AAR2: variants seen among roughly 807,000 people sequenced by gnomAD.
AAR2 encodes AAR2 splicing factor, also known as protein AAR2 homolog.
In AAR2, 31 loss-of-function variants were observed where a neutral mutation model predicts 26.9. That is an observed-to-expected ratio of 1.15 (90% CI 0.86 to 1.55). The LOEUF (loss-of-function observed/expected upper bound fraction) is 1.55, where lower values mean the gene tolerates loss of function less well. Ranked by LOEUF, AAR2 falls within the 40% of genes most tolerant of loss-of-function variation. The pLI is 0.00. For synonymous variants in AAR2, 188 were observed against 196.1 expected (o/e 0.96, Z 0.34); for missense variants, 430 against 491.3 (o/e 0.88, Z 1.18).
chr20:36,245,492 C>T (rs1451582034), intron 3 of AAR2, among the ~76,000 whole-genome samples: 6 of 152,220 alleles, frequency 3.9e-5, no homozygotes, highest in African/African-American at 1.4e-4. Context: ...GCTATTTCCT[C>T]CCTTTGCAAA....
At position 36,255,986 on chromosome 20, in the gene AAR2, CT is replaced by C; in HGVS notation, c.*242del. On this transcript the variant is annotated 3_prime_UTR_variant, in exon 4 of 4. Coordinates refer to ENST00000320849, the MANE Select transcript of AAR2 (RefSeq NM_001271874.2). ...CAGCCAGGCCTTGGTGCTAACCTGGCTGAATTTCACACAGGCTCTTACACAC... is the reference window on the plus strand; with the variant it reads ...CAGCCAGGCCTTGGTGCTAACCTGGCGAATTTCACACAGGCTCTTACACAC... 1 of 522,094 alleles carries C rather than the reference CT, an allele frequency of 1.9e-6. No individual in the cohort carries two copies. The allele number at this position is 522,094 out of a possible 1,614,324, so 32.3% of individuals were successfully genotyped here.
chr20:36,242,854 G>GT (rs766390749), intron 2 of AAR2, among the ~76,000 whole-genome samples: 6,991 of 120,992 alleles, frequency 0.058, 729 homozygotes, highest in African/African-American at 0.19. Context: ...AACTTTGTTG[G>GT]TTTTTTTTTT....
chr20:36,243,724 A>G (rs2064706343), intron 2 of AAR2, among the ~76,000 whole-genome samples: 1 of 152,236 alleles, frequency 6.6e-6, no homozygotes, highest in African/African-American at 2.4e-5. Context: ...ACTTTGTGCC[A>G]GGTCTTATTC....
rs780673670 is a variant in AAR2 at position 36,240,154 on chromosome 20, G to A, written c.286G>A (p.Glu96Lys). ...AGTGCTGCGCTGGAGCACACTCAGG[G>A]AAGAGGTAGACCTGTCCCCAGCCCC... The part of the protein sequence containing the change: ...LTVLRWSTLR[E>K]EVDLSPAPES... Residue 96 changes from glutamate to lysine, a missense_variant, in exon 2 of 4, where the codon GAA becomes AAA. Glu to Lys is a moderately conservative substitution (Grantham distance 56, BLOSUM62 1). Coordinates refer to ENST00000320849, the MANE Select transcript of AAR2 (RefSeq NM_001271874.2). 3 of 1,614,102 alleles carry A rather than the reference G, an allele frequency of 1.9e-6. No homozygotes were observed. Among genetic ancestry groups the A allele is most frequent in the Non-Finnish European group, 2.5e-6 (3 of 1,180,048 alleles).
At position 36,255,951 on chromosome 20, in the gene AAR2, G is replaced by A. The variant is rs527827325; in HGVS notation, c.*206G>A. On this transcript the variant is annotated 3_prime_UTR_variant, in exon 4 of 4. Transcript: ENST00000320849. Reference sequence around the variant, plus strand: ...TACCCATCCTGAAGGCACATTTGTGGGTTCCCCATCAGCCAGGCCTTGGTG... The same window carrying A: ...TACCCATCCTGAAGGCACATTTGTGAGTTCCCCATCAGCCAGGCCTTGGTG... 4.4e-6 allele frequency: 3 copies of A among 685,934 alleles called. No individual in the cohort carries two copies. Among genetic ancestry groups the A allele is most frequent in the African/African-American group, 3.6e-5 (2 of 55,650 alleles). The allele number at this position is 685,934 out of a possible 1,614,324, so 42.5% of individuals were successfully genotyped here. A position where few individuals can be genotyped will look rare whatever the true frequency, so the allele number is the denominator to read the frequency against.
Position 36,236,497 on chromosome 20 carries a change from C to G in AAR2, c.-55C>G, listed in dbSNP as rs1027458486. On this transcript the variant is annotated 5_prime_UTR_variant, in exon 1 of 4. Coordinates refer to ENST00000320849, the MANE Select transcript of AAR2 (RefSeq NM_001271874.2). Reference sequence around the variant, plus strand: ...GTTTCCGCTGTACCGGAACGTGGGGCGAGGCGGTGAGTGTGGCCTCCTGGC... The same window carrying G: ...GTTTCCGCTGTACCGGAACGTGGGGGGAGGCGGTGAGTGTGGCCTCCTGGC... The G allele has an allele frequency of 3.9e-5, 6 of 152,252 alleles. No individual in the cohort carries two copies. Among genetic ancestry groups the G allele is most frequent in the African/African-American group, 9.6e-5 (4 of 41,454 alleles). The allele number at this position is 152,252 out of a possible 1,614,324, so 9.4% of individuals were successfully genotyped here.
At chr20:36,236,860 C>T (rs925079215) in intron 1 of AAR2, 1 of 152,220 alleles carries the variant, frequency 6.6e-6, no homozygotes, top group African/African-American at 2.4e-5. Flanking sequence ...TAAATGTTTA[C>T]TAAGCGTTGA....
chr20:36,251,205 A>C (rs1280851642), intron 3 of AAR2, among the ~76,000 whole-genome samples: 1 of 151,980 alleles, frequency 6.6e-6, no homozygotes, highest in Non-Finnish European at 1.5e-5. Context: ...CAAAAAAAAA[A>C]AAAAATTATC....
chr20:36,253,076 TC>T (rs556602993), intron 3 of AAR2, among the ~76,000 whole-genome samples: 4 of 135,902 alleles, frequency 2.9e-5, no homozygotes, highest in African/African-American at 5.5e-5. Context: ...CCGCCCCCCT[TC>T]CCCCCCATCA....
At position 36,256,825 on chromosome 20, in the gene AAR2, ATGTTTT is replaced by A. The variant is rs1569433026; in HGVS notation, c.*1083_*1088del. ...CTTTTCCAAGACTGGGGCTCACACCATGTTTTTGAATGAGAATCCCTGCTGGTTGAG... is the reference window on the plus strand; with the variant it reads ...CTTTTCCAAGACTGGGGCTCACACCATGAATGAGAATCCCTGCTGGTTGAG... On this transcript the variant is annotated 3_prime_UTR_variant, in exon 4 of 4. Coordinates refer to ENST00000320849, the MANE Select transcript of AAR2 (RefSeq NM_001271874.2). 1.3e-5 allele frequency: 2 copies of A among 152,674 alleles called. No homozygotes were observed. Among genetic ancestry groups the A allele is most frequent in the African/African-American group, 4.8e-5 (2 of 41,460 alleles). The allele number at this position is 152,674 out of a possible 1,614,324, so 9.5% of individuals were successfully genotyped here.
chr20:36,237,585 A>G (rs2064624522), intron 1 of AAR2, among the ~76,000 whole-genome samples: 1 of 151,968 alleles, frequency 6.6e-6, no homozygotes, highest in Admixed American at 6.6e-5. Flanking sequence ...AGAATTACAG[A>G]CTGGTGGAAT....
At position 36,255,601 on chromosome 20, in the gene AAR2, C is replaced by CA. The variant is rs2064813700; in HGVS notation, c.1012dup (p.Ile338AsnfsTer12). On this transcript the variant is annotated frameshift_variant, in exon 4 of 4. Coordinates refer to ENST00000320849, the MANE Select transcript of AAR2 (RefSeq NM_001271874.2). LOFTEE classifies it high-confidence loss of function. ...AGGTTTTCTTTTCCTCTGCCTGCAGCATTGCCGTGGATGCCACCCTGAGAA... is the reference window on the plus strand; with the variant it reads ...AGGTTTTCTTTTCCTCTGCCTGCAGCAATTGCCGTGGATGCCACCCTGAGAA... 7.4e-6 allele frequency: 12 copies of CA among 1,614,262 alleles called. No homozygotes were observed. The highest frequency in any genetic ancestry group is 1.0e-5 in the Non-Finnish European group (12 of 1,180,048).
At chr20:36,249,100 G>A (rs1243809881) in intron 3 of AAR2, among the ~76,000 whole-genome samples, 3 of 152,120 alleles carry the variant, frequency 2.0e-5, no homozygotes, top group Non-Finnish European at 2.9e-5. Flanking sequence ...GAGAGGGACT[G>A]GTGTTTGTGT....
At chr20:36,237,760 T>C (rs1227672258) in intron 1 of AAR2, among the ~76,000 whole-genome samples, 1 of 122,652 alleles carries the variant, frequency 8.2e-6, no homozygotes, top group African/African-American at 4.0e-5. Context: ...GTATTATTAT[T>C]ATTATTATTA....
At chr20:36,251,167 G>A (rs1413488756) in intron 3 of AAR2, among the ~76,000 whole-genome samples, 1 of 151,666 alleles carries the variant, frequency 6.6e-6, no homozygotes, top group Non-Finnish European at 1.5e-5. Context: ...CTGTGCTCCA[G>A]CCTAGGTGAC....
At chr20:36,248,203 G>A (rs558566083) in intron 3 of AAR2, among the ~76,000 whole-genome samples, 1 of 152,128 alleles carries the variant, frequency 6.6e-6, no homozygotes, top group Non-Finnish European at 1.5e-5. Context: ...AGCTTACTTT[G>A]AACTTGTCGC....
At position 36,255,357 on chromosome 20, in the gene AAR2, C is replaced by T. The variant is rs571522318; in HGVS notation, c.988-221C>T. Reference sequence around the variant, plus strand: ...CCAGGGTAATGGCCCCCAGCCTCTGCCCAGATAGTAATTTTCCATTCTAGT... The same window carrying T: ...CCAGGGTAATGGCCCCCAGCCTCTGTCCAGATAGTAATTTTCCATTCTAGT... On this transcript the variant is annotated intron_variant, in intron 3 of 3. Coordinates refer to ENST00000320849, the MANE Select transcript of AAR2 (RefSeq NM_001271874.2). Among the ~76,000 whole-genome samples, 369 of 152,320 alleles carry T rather than the reference C, an allele frequency of 2.4e-3. 3 individuals carry two copies. Among genetic ancestry groups the T allele is most frequent in the African/African-American group, 8.7e-3 (360 of 41,580 alleles).
rs1420434946 is a variant in AAR2 at position 36,256,933 on chromosome 20, A to G, written c.*1188A>G. The G allele has an allele frequency of 2.0e-5, 3 of 152,604 alleles. No individual in the cohort carries two copies. The highest frequency in any genetic ancestry group is 4.8e-5 in the African/African-American group (2 of 41,428). The allele number at this position is 152,604 out of a possible 1,614,324, so 9.5% of individuals were successfully genotyped here. A position where few individuals can be genotyped will look rare whatever the true frequency, so the allele number is the denominator to read the frequency against. On this transcript the variant is annotated 3_prime_UTR_variant, in exon 4 of 4. Coordinates refer to ENST00000320849, the MANE Select transcript of AAR2 (RefSeq NM_001271874.2). Reference sequence around the variant, plus strand: ...ACATTAAAGTCTTCGAGTTGAGACAATCCCCTTGTGTGTGTGTGTCTCTTG... The same window carrying G: ...ACATTAAAGTCTTCGAGTTGAGACAGTCCCCTTGTGTGTGTGTGTCTCTTG...
At position 36,254,466 on chromosome 20, in the gene AAR2, T is replaced by G. The variant is rs147637923; in HGVS notation, c.988-1112T>G. Among the ~76,000 whole-genome samples, 655 of 149,266 alleles carry G rather than the reference T, an allele frequency of 4.4e-3. 5 individuals are homozygous for G. The highest frequency in any genetic ancestry group is 0.014 in the African/African-American group (524 of 38,774). Reference sequence around the variant, plus strand: ...GGAGGAGGGAAGGGGGATAGGGTAGTCGAATTCACAGAGTTGGAAAGTAGA... The same window carrying G: ...GGAGGAGGGAAGGGGGATAGGGTAGGCGAATTCACAGAGTTGGAAAGTAGA... On this transcript the variant is annotated intron_variant, in intron 3 of 3. Coordinates refer to ENST00000320849, the MANE Select transcript of AAR2 (RefSeq NM_001271874.2).
Sources: allele counts gnomAD v4.1 joint callset (sites outside exome capture counted in the v4.1 genomes callset), GRCh38; gene constraint gnomAD v4.1.1; transcripts MANE v1.5; gene names NCBI Gene and HGNC (gene_info 2026-07-23, HGNC 2026-07-21).